Variants in KIAA1671 observed in about 807,000 individuals in gnomAD.
KIAA1671 encodes the protein KIAA1671, also known as uncharacterized protein KIAA1671.
KIAA1671 carries 52 observed loss-of-function variants against 131.2 expected under a neutral mutation model. That is an observed-to-expected ratio of 0.40 (90% CI 0.32 to 0.50). KIAA1671 has a LOEUF of 0.50. Ranked by LOEUF, KIAA1671 falls within the 20% of genes least tolerant of loss-of-function variation. KIAA1671 has a pLI of 0.73. For synonymous variants in KIAA1671, 1,003 were observed against 961.6 expected (o/e 1.04, Z -0.80); for missense variants, 2,360 against 2,364.2 (o/e 1.00, Z 0.04).
At position 25,155,465 on chromosome 22, in the gene KIAA1671, TTGTG is replaced by T. The variant is rs548738902; in HGVS notation, c.4531-15351_4531-15348del. Reference sequence around the variant, plus strand: ...TTTGTAGGTATGCATTTGTGTATATTTGTGTGTATGCAGCTGTGTGTGTGTGTGT... The same window carrying T: ...TTTGTAGGTATGCATTTGTGTATATTTGTATGCAGCTGTGTGTGTGTGTGT... On this transcript the variant is annotated intron_variant, in intron 6 of 12. Coordinates refer to ENST00000358431, the MANE Select transcript of KIAA1671 (RefSeq NM_001145206.2). Among the ~76,000 whole-genome samples the T allele has an allele frequency of 1.2e-3, 179 of 152,010 alleles. 3 individuals carry two copies. In the South Asian group the frequency reaches 0.031, roughly 27 times the overall value.
intron 6 of KIAA1671, among the ~76,000 whole-genome samples, chr22:25,105,153 C>T (rs1401435178): frequency 6.6e-6 from 1 of 152,060 alleles, no homozygotes; most frequent in Non-Finnish European, 1.5e-5. Flanking sequence ...TCCCAAATAG[C>T]TAGGATTCCA....
chr22:24,984,370 G>A (rs578240450), intron 1 of KIAA1671, among the ~76,000 whole-genome samples: 1 of 152,172 alleles, frequency 6.6e-6, no homozygotes, highest in Non-Finnish European at 1.5e-5. Flanking sequence ...CAAGGCCTCA[G>A]CTAACATCTT....
rs1362473825 is a variant in KIAA1671, at chr22:25,194,311, AG to A, written c.*1911del. Reference sequence around the variant, plus strand: ...GGCTGGTCTCGAACTTCTGGGCTCAAGCAATTGTCCCTCCTCAGCCTCCCAA... The same window carrying A: ...GGCTGGTCTCGAACTTCTGGGCTCAACAATTGTCCCTCCTCAGCCTCCCAA... On this transcript the variant is annotated 3_prime_UTR_variant, in exon 13 of 13. Coordinates refer to ENST00000358431, the MANE Select transcript of KIAA1671 (RefSeq NM_001145206.2). The A allele has an allele frequency of 3.9e-5, 6 of 152,312 alleles. No individual in the cohort carries two copies. The highest frequency in any genetic ancestry group is 7.3e-5 in the Non-Finnish European group (5 of 68,138). The allele number at this position is 152,312 out of a possible 1,614,324, so 9.4% of individuals were successfully genotyped here. A position where few individuals can be genotyped will look rare whatever the true frequency, so the allele number is the denominator to read the frequency against.
intron 6 of KIAA1671, among the ~76,000 whole-genome samples, chr22:25,157,395 C>T (rs900532023): frequency 6.6e-6 from 1 of 152,192 alleles, no homozygotes; most frequent in African/African-American, 2.4e-5. Context: ...CCTTGCTTTA[C>T]TCACTAGACA....
intron 6 of KIAA1671, among the ~76,000 whole-genome samples, chr22:25,119,978 G>A (rs1387765896): frequency 6.6e-6 from 1 of 152,216 alleles, no homozygotes; most frequent in Non-Finnish European, 1.5e-5. Context: ...GCAAGGGAGA[G>A]CTATATCTGT....
intron 1 of KIAA1671, among the ~76,000 whole-genome samples, chr22:24,965,339 C>T (rs1038523136): frequency 3.3e-5 from 5 of 151,168 alleles, no homozygotes; most frequent in African/African-American, 4.9e-5. Flanking sequence ...CGCTTGAACC[C>T]GGGAGGCTGA....
intron 6 of KIAA1671, among the ~76,000 whole-genome samples, chr22:25,145,304 C>T (rs927407884): frequency 1.1e-4 from 17 of 152,176 alleles, no homozygotes; most frequent in Admixed American, 5.9e-4. Context: ...GCATCAATGG[C>T]GTAGGAAAGC....
chr22:24,962,144 G>A (rs1029616254), intron 1 of KIAA1671, among the ~76,000 whole-genome samples: 1 of 152,212 alleles, frequency 6.6e-6, no homozygotes, highest in Non-Finnish European at 1.5e-5. Context: ...AATCCCCTGA[G>A]CAGTGACACC....
At chr22:24,979,942 T>G (rs1923138966) in intron 1 of KIAA1671, among the ~76,000 whole-genome samples, 1 of 152,166 alleles carries the variant, frequency 6.6e-6, no homozygotes. Context: ...TCACCTGTGT[T>G]GTAGCATGTA....
chr22:25,154,599 G>T (rs1392463275), intron 6 of KIAA1671, among the ~76,000 whole-genome samples: 1 of 152,224 alleles, frequency 6.6e-6, no homozygotes, highest in Non-Finnish European at 1.5e-5. Flanking sequence ...AGGCTGGGCT[G>T]AGCACCAGAA....
intron 6 of KIAA1671, among the ~76,000 whole-genome samples, chr22:25,108,703 C>G (rs933877939): frequency 6.6e-6 from 1 of 152,188 alleles, no homozygotes; most frequent in African/African-American, 2.4e-5. Context: ...CCCCCCACCC[C>G]ATCTTTGCCT....
intron 1 of KIAA1671, among the ~76,000 whole-genome samples, chr22:25,003,093 C>CT (rs533126369): frequency 1.1e-3 from 173 of 152,030 alleles, no homozygotes; most frequent in African/African-American, 3.9e-3. Context: ...TTGTTTTAAA[C>CT]TTTTTTTTCC....
chr22:25,184,908 A>C lies in KIAA1671; in HGVS notation c.5200-69A>C, dbSNP rs1428921131. ...TTGCAGAAGGCTCATTGTACCTGACATTTGCATGGGAGGGGGCCCTTCCCC... is the reference window on the plus strand; with the variant it reads ...TTGCAGAAGGCTCATTGTACCTGACCTTTGCATGGGAGGGGGCCCTTCCCC... On this transcript the variant is annotated intron_variant, in intron 10 of 12. Transcript: ENST00000358431. 5.2e-6 allele frequency: 8 copies of C among 1,537,358 alleles called. No individual in the cohort carries two copies. The Admixed American group carries it at 5.9e-5, about 11-fold the overall frequency.
chr22:25,032,133 A>C (rs1406945161), intron 3 of KIAA1671, among the ~76,000 whole-genome samples: 3 of 152,162 alleles, frequency 2.0e-5, no homozygotes, highest in Non-Finnish European at 2.9e-5. Context: ...ACTACCCTTC[A>C]GTCTGGGGGC....
chr22:25,191,546 G>A (rs1461808902), intron 12 of KIAA1671, among the ~76,000 whole-genome samples: 1 of 152,168 alleles, frequency 6.6e-6, no homozygotes, highest in Admixed American at 6.5e-5. Context: ...TAAAAATTAC[G>A]ATTAGATAGG....
At chr22:24,976,507 A>G (rs982126749) in intron 1 of KIAA1671, among the ~76,000 whole-genome samples, 4 of 152,118 alleles carry the variant, frequency 2.6e-5, no homozygotes, top group Admixed American at 1.3e-4. Context: ...GGGTCTGTCC[A>G]TGTTGGGGTG....
At chr22:25,152,922 T>C (rs1933098270) in intron 6 of KIAA1671, among the ~76,000 whole-genome samples, 1 of 152,110 alleles carries the variant, frequency 6.6e-6, no homozygotes, top group African/African-American at 2.4e-5. Context: ...TGTATTTTTA[T>C]TCCTGATTTT....
chr22:24,954,763 GTTTGTTTTGT>G (rs563291109), intron 1 of KIAA1671, among the ~76,000 whole-genome samples: 2 of 151,988 alleles, frequency 1.3e-5, no homozygotes, highest in African/African-American at 4.8e-5. Flanking sequence ...GCTTTTTTTC[GTTTGTTTTGT>G]TTTGTTTTGT....
intron 6 of KIAA1671, among the ~76,000 whole-genome samples, chr22:25,134,104 A>G (rs931619730): frequency 6.6e-6 from 1 of 152,194 alleles, no homozygotes; most frequent in Non-Finnish European, 1.5e-5. Context: ...TTTGCCGCAG[A>G]GTTGGGTTTC....
Sources: gnomAD v4.1 joint callset for allele counts (sites outside exome capture counted in the v4.1 genomes callset) on GRCh38, gnomAD v4.1.1 for gene constraint, MANE v1.5 for transcripts, NCBI Gene and HGNC (gene_info 2026-07-23, HGNC 2026-07-21) for gene names.